The following SLC14A2 variants were observed in gnomAD, a reference collection of about 807,000 sequenced individuals.
The protein encoded by SLC14A2 is urea transporter 2.
Under a neutral mutation model 104.6 loss-of-function variants are expected in SLC14A2, and 91 were observed. The ratio of observed to expected loss-of-function variants is 0.87; its 90% CI spans 0.73 to 1.04. The LOEUF (loss-of-function observed/expected upper bound fraction) is 1.04, where lower values mean the gene tolerates loss of function less well. Among genes scored for constraint, SLC14A2 ranks in the 50% least tolerant of loss-of-function variants. The pLI, the probability that SLC14A2 is intolerant of heterozygous loss-of-function variation, is 0.00. For synonymous variants in SLC14A2, 476 were observed against 466.4 expected, an observed-to-expected ratio of 1.02 and a Z score of -0.27; for missense variants, 1,189 against 1,156.0, an observed-to-expected ratio of 1.03 and a Z score of -0.41.
At chr18:45,583,754 C>A (rs1274255530) in intron 2 of SLC14A2, among the ~76,000 whole-genome samples, 1 of 151,276 alleles carries the variant, frequency 6.6e-6, no homozygotes, top group Non-Finnish European at 1.5e-5. Context: ...GAAAAAAAAA[C>A]AAAAAGCCCC....
At chr18:45,607,502 C>A (rs997797770) in intron 2 of SLC14A2, among the ~76,000 whole-genome samples, 3 of 152,158 alleles carry the variant, frequency 2.0e-5, no homozygotes, top group African/African-American at 4.8e-5. Flanking sequence ...TCACCAAGAA[C>A]CTTTTCCTCC....
At chr18:45,601,112 TC>T (rs2044785295) in intron 2 of SLC14A2, among the ~76,000 whole-genome samples, 1 of 152,000 alleles carries the variant, frequency 6.6e-6, no homozygotes, top group Admixed American at 6.5e-5. Flanking sequence ...CCTGACTGCC[TC>T]CCCTCAGGAT....
At chr18:45,263,380 T>C (rs1380234691) in intron 1 of SLC14A2, among the ~76,000 whole-genome samples, 1 of 152,216 alleles carries the variant, frequency 6.6e-6, no homozygotes, top group African/African-American at 2.4e-5. Flanking sequence ...GATATTAACC[T>C]TTATCACTTG....
chr18:45,360,789 G>A (rs1181638333), intron 1 of SLC14A2, among the ~76,000 whole-genome samples: 3 of 152,220 alleles, frequency 2.0e-5, no homozygotes, highest in African/African-American at 7.2e-5. Flanking sequence ...GAGAGAAAGG[G>A]CAATTGAAAT....
intron 1 of SLC14A2, among the ~76,000 whole-genome samples, chr18:45,350,646 A>G (rs1312374907): frequency 6.6e-6 from 1 of 152,058 alleles, no homozygotes; most frequent in Non-Finnish European, 1.5e-5. Flanking sequence ...GCTGACGCAC[A>G]CCACTTTCCT....
chr18:45,441,205 C>T (rs1435616662), intron 1 of SLC14A2, among the ~76,000 whole-genome samples: 4 of 152,086 alleles, frequency 2.6e-5, no homozygotes, highest in African/African-American at 9.7e-5. Flanking sequence ...AACAAGGTGC[C>T]TTTTTAAAAT....
intron 10 of SLC14A2, among the ~76,000 whole-genome samples, chr18:45,660,759 C>G (rs1404981347): frequency 1.3e-5 from 2 of 152,234 alleles, no homozygotes; most frequent in Non-Finnish European, 2.9e-5. Context: ...CATTTCTAAA[C>G]ATTTGATAGA....
chr18:45,670,422 C>T (rs1228166108), intron 16 of SLC14A2, among the ~76,000 whole-genome samples: 1 of 152,200 alleles, frequency 6.6e-6, no homozygotes, highest in African/African-American at 2.4e-5. Context: ...CCAAGGCCCT[C>T]CTACTTTCCG....
chr18:45,414,757 A>AAAAAAATATATAT (rs1360051908), intron 1 of SLC14A2, among the ~76,000 whole-genome samples: 26 of 76,094 alleles, frequency 3.4e-4, no homozygotes, highest in Non-Finnish European at 4.6e-4. Flanking sequence ...AAAAAAAAAA[A>AAAAAAATATATAT]ATATATATAT....
At chr18:45,497,647 G>A (rs182063431) in intron 2 of SLC14A2, among the ~76,000 whole-genome samples, 1 of 152,312 alleles carries the variant, frequency 6.6e-6, no homozygotes, top group Admixed American at 6.5e-5. Context: ...GGCTGACAAT[G>A]AGCACATTAG....
At chr18:45,541,573 G>A (rs192605111) in intron 2 of SLC14A2, among the ~76,000 whole-genome samples, 2 of 152,214 alleles carry the variant, frequency 1.3e-5, no homozygotes, top group Non-Finnish European at 2.9e-5. Flanking sequence ...GCTTAACTTG[G>A]GTTGAGCCTT....
At chr18:45,256,782 CTG>C (rs2084483432) in intron 1 of SLC14A2, among the ~76,000 whole-genome samples, 1 of 152,146 alleles carries the variant, frequency 6.6e-6, no homozygotes, top group African/African-American at 2.4e-5. Flanking sequence ...TTTTTCTTGA[CTG>C]TGTTGGGAAA....
intron 1 of SLC14A2, among the ~76,000 whole-genome samples, chr18:45,448,032 T>C (rs537605540): frequency 7.9e-5 from 12 of 152,382 alleles, no homozygotes; most frequent in African/African-American, 2.9e-4. Flanking sequence ...AGACTGAGTA[T>C]GGCTCAAGTG....
chr18:45,598,174 G>A (rs1245212712), intron 2 of SLC14A2, among the ~76,000 whole-genome samples: 2 of 152,168 alleles, frequency 1.3e-5, no homozygotes, highest in African/African-American at 2.4e-5. Flanking sequence ...TAGTCAAAAT[G>A]GAGCCAGCCA....
At chr18:45,214,970 G>A (rs1186963567) in intron 1 of SLC14A2, among the ~76,000 whole-genome samples, 2 of 150,418 alleles carry the variant, frequency 1.3e-5, no homozygotes, top group African/African-American at 4.9e-5. Flanking sequence ...ATACCTAATA[G>A]CTTATATCCA....
chr18:45,209,665 C>T (rs2083946306), upstream of SLC14A2, among the ~76,000 whole-genome samples: 2 of 151,850 alleles, frequency 1.3e-5, no homozygotes, highest in Admixed American at 1.3e-4. Flanking sequence ...TAATGTGTAA[C>T]CTTGGACTGC....
chr18:45,586,578 C>T (rs1209832671), intron 2 of SLC14A2, among the ~76,000 whole-genome samples: 1 of 152,172 alleles, frequency 6.6e-6, no homozygotes, highest in East Asian at 1.9e-4. Flanking sequence ...AATGGCAGGC[C>T]ATTGTACCAG....
chr18:45,395,935 G>C (rs897972311), intron 1 of SLC14A2, among the ~76,000 whole-genome samples: 1 of 152,106 alleles, frequency 6.6e-6, no homozygotes, highest in Non-Finnish European at 1.5e-5. Flanking sequence ...TGAACACATC[G>C]TTTCAGGTGT....
chr18:45,613,787 A>T (rs1468269176), upstream of SLC14A2, among the ~76,000 whole-genome samples: 1 of 152,214 alleles, frequency 6.6e-6, no homozygotes, highest in Non-Finnish European at 1.5e-5. Flanking sequence ...AAAGGATTCA[A>T]TTTTATGCAT....
Sources: allele counts gnomAD v4.1 joint callset (sites outside exome capture counted in the v4.1 genomes callset), GRCh38; gene constraint gnomAD v4.1.1; transcripts MANE v1.5; gene names NCBI Gene and HGNC (gene_info 2026-07-23, HGNC 2026-07-21).